Variants in IFI35 observed in about 807,000 individuals in gnomAD.
IFI35 encodes the protein interferon-induced 35 kDa protein.
Under a neutral mutation model 28.6 loss-of-function variants are expected in IFI35, and 30 were observed. The ratio of observed to expected loss-of-function variants is 1.05; its 90% CI spans 0.79 to 1.43. The LOEUF is 1.43. Among genes scored for constraint, IFI35 ranks in the 40% most tolerant of loss-of-function variants. The probability of loss-of-function intolerance (pLI) is 0.00; values close to 1 mark genes in which losing one functional copy is unlikely to be tolerated. For synonymous variants in IFI35, 146 were observed against 154.8 expected (o/e 0.94, Z 0.42); for missense variants, 372 against 356.9 (o/e 1.04, Z -0.34).
At position 43,006,797 on chromosome 17, in the gene IFI35, A is replaced by G. The variant is rs552879577; in HGVS notation, c.-151A>G. On this transcript the variant is annotated 5_prime_UTR_variant, in exon 1 of 7. Transcript: ENST00000415816. The stretch of plus-strand genomic sequence containing the variant: ...TGAAAGTGGAAGCAAACAGCCTGCG[A>G]GCAGAGCCTCCTGAGGTGTATTTCG... 8.2e-4 allele frequency: 600 copies of G among 733,174 alleles called. 2 individuals are homozygous for G. In the Middle Eastern group the frequency reaches 9.7e-3, roughly 12 times the overall value. The allele number at this position is 733,174 out of a possible 1,614,324, so 45.4% of individuals were successfully genotyped here.
intron 1 of IFI35, among the ~76,000 whole-genome samples, chr17:43,009,728 G>A (rs1336539170): frequency 6.6e-6 from 1 of 151,356 alleles, no homozygotes; most frequent in Non-Finnish European, 1.5e-5. Context: ...ATTCCAGCCT[G>A]GCGACAGAGC....
At chr17:43,008,744 C>T (rs1180872003) in intron 1 of IFI35, among the ~76,000 whole-genome samples, 5 of 151,086 alleles carry the variant, frequency 3.3e-5, no homozygotes, top group Non-Finnish European at 4.4e-5. Context: ...AGGATGGTCT[C>T]GAACTCCTGA....
chr17:43,013,840 G>A lies in IFI35; in HGVS notation c.627G>A (p.Leu209=), dbSNP rs946662016. Residue 209 remains leucine (L), a synonymous_variant, in exon 6 of 7, where the codon CTG becomes CTA. Transcript: ENST00000415816. The part of the protein sequence containing the change: ...TVPLGGQQVP[L]RVSPYVNGEI... ...CACTGGGTGGGCAGCAAGTCCCTCTGAGAGTCTCTCCGTATGTGAACGGGG... is the reference window on the plus strand; with the variant it reads ...CACTGGGTGGGCAGCAAGTCCCTCTAAGAGTCTCTCCGTATGTGAACGGGG... The A allele has an allele frequency of 1.9e-6, 3 of 1,610,682 alleles. No individual in the cohort carries two copies. The highest frequency in any genetic ancestry group is 1.7e-5 in the Admixed American group (1 of 59,204).
chr17:43,011,255 A>G (rs1042132039), intron 1 of IFI35, among the ~76,000 whole-genome samples: 4 of 152,218 alleles, frequency 2.6e-5, no homozygotes, highest in African/African-American at 4.8e-5. Context: ...ATTGTGGCTT[A>G]CACCTGTAAT....
Position 43,013,673 on chromosome 17 carries a change from T to C in IFI35, c.562+11T>C. The C allele has an allele frequency of 6.2e-7, 1 of 1,612,786 alleles. No homozygotes were observed. The highest frequency in any genetic ancestry group is 8.5e-7 in the Non-Finnish European group (1 of 1,178,860). The stretch of plus-strand genomic sequence containing the variant: ...TTGCTAGGGATGGAGGTGAGGGCTA[T>C]GCAGGCCTCCTGCAGGGGAGAGGGT... On this transcript the variant is annotated intron_variant, in intron 5 of 6. Transcript: ENST00000415816.
intron 2 of IFI35, chr17:43,012,478 C>A (rs552285374): frequency 6.8e-5 from 26 of 383,516 alleles, no homozygotes; most frequent in African/African-American, 4.4e-4. Flanking sequence ...CAGTGGCTCA[C>A]GCCTGTAATC....
In IFI35 at chr17:43,014,331, C is replaced by G. The variant is rs375807746; in HGVS notation, c.*32C>G. ...CCCCTTCTCATCCTCCCCACCCCCC[C>G]GCCAAGGTTCTCACACTGGCCTGGG... On this transcript the variant is annotated 3_prime_UTR_variant, in exon 7 of 7. Coordinates refer to ENST00000415816, the MANE Select transcript of IFI35 (RefSeq NM_001330230.2). The G allele has an allele frequency of 6.1e-6, 9 of 1,474,410 alleles. No individual in the cohort carries two copies. The highest frequency in any genetic ancestry group is 8.2e-6 in the Non-Finnish European group (9 of 1,099,450). The allele number at this position is 1,474,410 out of a possible 1,614,324, so 91.3% of individuals were successfully genotyped here.
At chr17:43,007,872 T>TATAC (rs1491453151) in intron 1 of IFI35, among the ~76,000 whole-genome samples, 1 of 136,576 alleles carries the variant, frequency 7.3e-6, no homozygotes, top group African/African-American at 2.7e-5. Flanking sequence ...TATATATATA[T>TATAC]ACTATAAGAA....
intron 1 of IFI35, among the ~76,000 whole-genome samples, chr17:43,009,189 G>T (rs1310226755): frequency 6.6e-6 from 1 of 151,720 alleles, no homozygotes; most frequent in Non-Finnish European, 1.5e-5. Context: ...TGTAGAGGTA[G>T]AGTTTTGTCC....
intron 1 of IFI35, among the ~76,000 whole-genome samples, chr17:43,008,136 GC>G (rs2050426140): frequency 1.4e-5 from 2 of 147,022 alleles, no homozygotes; most frequent in East Asian, 4.0e-4. Context: ...CCGGGTTCAA[GC>G]GATTCTCCTG....
rs34285823 is a variant in IFI35 at position 43,008,343 on chromosome 17, C to CTT, written c.21+1396_21+1397dup. ...GCCACCATGCCCGGACTTTTCTTTC[C>CTT]TTTTTTTTTTTTTTTTTTTTTTGAG... On this transcript the variant is annotated intron_variant, in intron 1 of 6. Transcript: ENST00000415816. 3.2e-3 allele frequency among the ~76,000 whole-genome samples: 287 copies of CTT among 89,388 alleles called. 1 individual carries two copies. Among genetic ancestry groups the CTT allele is most frequent in the African/African-American group, 6.1e-3 (116 of 19,110 alleles). 58.6% of individuals were successfully genotyped at this position (89,388 alleles called of 152,430 possible).
Position 43,013,111 on chromosome 17 carries a change from T to C in IFI35, c.185T>C (p.Val62Ala), listed in dbSNP as rs1036850660. 2 of 1,613,882 alleles carry C rather than the reference T, an allele frequency of 1.2e-6. No individual in the cohort carries two copies. The highest frequency in any genetic ancestry group is 1.7e-6 in the Non-Finnish European group (2 of 1,180,018). The change falls in exon 3 of 7, where the codon GTG (valine) becomes GCG (alanine). Residue 62 changes from valine (V) to alanine (A), a missense_variant. Val to Ala is a moderately conservative substitution (Grantham distance 64, BLOSUM62 0). Transcript: ENST00000415816. ...FRGHTQQDPE[V>A]PKSLVSNLRI... The stretch of plus-strand genomic sequence containing the variant: ...GGACACACCCAGCAGGACCCGGAAG[T>C]GCCTAAGTCTTTAGTTTCCAATTTG...
intron 1 of IFI35, among the ~76,000 whole-genome samples, chr17:43,008,883 G>T (rs1279420700): frequency 6.6e-6 from 1 of 152,020 alleles, no homozygotes; most frequent in African/African-American, 2.4e-5. Context: ...TCGAACTCCT[G>T]ACCTCACATG....
At chr17:43,009,558 T>C (rs1001071099) in intron 1 of IFI35, among the ~76,000 whole-genome samples, 5 of 151,296 alleles carry the variant, frequency 3.3e-5, no homozygotes, top group Non-Finnish European at 5.9e-5. Flanking sequence ...ATTGAGACCA[T>C]CCTGGCCAAC....
rs200663491 is a variant in IFI35 at position 43,014,345 on chromosome 17, C to T, written c.*46C>T. The T allele has an allele frequency of 1.0e-3, 1,437 of 1,424,078 alleles. 2 individuals carry two copies. Among genetic ancestry groups the T allele is most frequent in the Admixed American group, 2.5e-3 (105 of 41,598 alleles). 88.2% of individuals were successfully genotyped at this position (1,424,078 alleles called of 1,614,324 possible). On this transcript the variant is annotated 3_prime_UTR_variant, in exon 7 of 7. Coordinates refer to ENST00000415816, the MANE Select transcript of IFI35 (RefSeq NM_001330230.2). Reference sequence around the variant, plus strand: ...CCCCACCCCCCCGCCAAGGTTCTCACACTGGCCTGGGCTTGGGTGCCCATA... The same window carrying T: ...CCCCACCCCCCCGCCAAGGTTCTCATACTGGCCTGGGCTTGGGTGCCCATA...
chr17:43,006,841 A>C lies in IFI35; in HGVS notation c.-107A>C. On this transcript the variant is annotated 5_prime_UTR_variant, in exon 1 of 7. Transcript: ENST00000415816. ...TATTTCGGGTCTTGCTGGGGCTGAG[A>C]GAGACCACAGCCCTTTGGGGGGTAC... 1.7e-6 allele frequency: 2 copies of C among 1,201,622 alleles called. No individual in the cohort carries two copies. The highest frequency in any genetic ancestry group is 1.2e-5 in the South Asian group (1 of 82,604). 74.4% of individuals were successfully genotyped at this position (1,201,622 alleles called of 1,614,324 possible).
Position 43,014,015 on chromosome 17 carries a change from C to T in IFI35, c.670-93C>T, listed in dbSNP as rs1226786129. 2.0e-5 allele frequency: 27 copies of T among 1,378,388 alleles called. No homozygotes were observed. In the Admixed American group the frequency reaches 3.2e-4, roughly 16 times the overall value. The allele number at this position is 1,378,388 out of a possible 1,614,324, so 85.4% of individuals were successfully genotyped here. A position where few individuals can be genotyped will look rare whatever the true frequency, so the allele number is the denominator to read the frequency against. Reference sequence around the variant, plus strand: ...CCACCATCAGCCTCTCCAGGCCTCCCGACCTCATACCCCCATGGGGCACTG... The same window carrying T: ...CCACCATCAGCCTCTCCAGGCCTCCTGACCTCATACCCCCATGGGGCACTG... On this transcript the variant is annotated intron_variant, in intron 6 of 6. Coordinates refer to ENST00000415816, the MANE Select transcript of IFI35 (RefSeq NM_001330230.2).
chr17:43,011,582 T>C (rs921925490), intron 1 of IFI35, among the ~76,000 whole-genome samples: 1 of 152,164 alleles, frequency 6.6e-6, no homozygotes, highest in Non-Finnish European at 1.5e-5. Context: ...ACAGGATATC[T>C]ATCTTAGATA....
Position 43,012,186 on chromosome 17 carries a change from A to G in IFI35, c.29A>G (p.His10Arg), listed in dbSNP as rs1490705365. 1 of 1,566,010 alleles carries G rather than the reference A, an allele frequency of 6.4e-7. No homozygotes were observed. The highest frequency in any genetic ancestry group is 1.2e-5 in the South Asian group (1 of 84,736). MSAPLDAAL[H>R]ALQEEQARLK... ...TTCCTTCTGCCCCAACAGGCCCTCC[A>G]CGCCCTTCAGGAGGAGCAGGCCAGA... The change falls in exon 2 of 7, where the codon CAC becomes CGC. Residue 10 changes from histidine to arginine, a missense_variant. By Grantham distance (29) the His-to-Arg change is conservative. Coordinates refer to ENST00000415816, the MANE Select transcript of IFI35 (RefSeq NM_001330230.2).
Sources: gnomAD v4.1 joint callset for allele counts (sites outside exome capture counted in the v4.1 genomes callset) on GRCh38, gnomAD v4.1.1 for gene constraint, MANE v1.5 for transcripts, NCBI Gene and HGNC (gene_info 2026-07-23, HGNC 2026-07-21) for gene names.